Variants in GLB1L3 observed in about 807,000 individuals in gnomAD.
The protein encoded by GLB1L3 is galactosidase beta 1 like 3, also known as beta-galactosidase-1-like protein 3.
A neutral mutation model predicts 89.5 loss-of-function variants in GLB1L3; 89 were observed. The ratio of observed to expected loss-of-function variants is 0.99; its 90% CI spans 0.84 to 1.19. The LOEUF (loss-of-function observed/expected upper bound fraction) is 1.19, where lower values mean the gene tolerates loss of function less well. Among genes scored for constraint, GLB1L3 ranks in the 50% most tolerant of loss-of-function variants. The pLI is 0.00. For synonymous variants in GLB1L3, 314 were observed against 312.3 expected, an observed-to-expected ratio of 1.01 and a Z score of -0.06; for missense variants, 812 against 813.3, an observed-to-expected ratio of 1.00 and a Z score of 0.02.
Position 134,318,669 on chromosome 11 carries a change from C to G in GLB1L3, c.1818C>G (p.Asn606Lys), listed in dbSNP as rs1202071790. ...NYGFVFINGR[N>K]LGRYWNIGPQ... The stretch of plus-strand genomic sequence containing the variant: ...GATTTGTGTTCATCAATGGACGTAA[C>G]CTTGGGCGATATTGGAATATTGGGC... Residue 606 changes from asparagine (N) to lysine (K), a missense_variant, in exon 19 of 20, where the codon AAC (asparagine) becomes AAG (lysine). Coordinates refer to ENST00000431683, the MANE Select transcript of GLB1L3 (RefSeq NM_001080407.3). 6.2e-7 allele frequency: 1 copy of G among 1,612,574 alleles called. No individual in the cohort carries two copies.
chr11:134,310,036 G>A (rs1034451043), intron 11 of GLB1L3: 3 of 486,890 alleles, frequency 6.2e-6, no homozygotes, highest in Admixed American at 3.5e-5. Context: ...GAGAGGCAGG[G>A]TAGGAACGGT....
Position 134,318,661 on chromosome 11 carries a change from G to T in GLB1L3, c.1810G>T (p.Gly604Ter), listed in dbSNP as rs761545800. 1 of 1,611,594 alleles carries T rather than the reference G, an allele frequency of 6.2e-7. No individual in the cohort carries two copies. The highest frequency in any genetic ancestry group is 2.2e-5 in the East Asian group (1 of 44,862). Residue 604 changes from glycine (G) to a stop codon, truncating the protein, a stop_gained, in exon 19 of 20, where the codon GGA becomes TGA. Transcript: ENST00000431683. LOFTEE classifies it high-confidence loss of function. ...GAATTATGGATTTGTGTTCATCAAT[G>T]GACGTAACCTTGGGCGATATTGGAA... ...NWNYGFVFIN[G>*]RNLGRYWNIG...
intron 9 of GLB1L3, among the ~76,000 whole-genome samples, chr11:134,303,564 G>T (rs1942046953): frequency 6.6e-6 from 1 of 152,192 alleles, no homozygotes; most frequent in South Asian, 2.1e-4. Context: ...GTCCCCTGCA[G>T]TCTAAAGTTC....
rs949117160 is a variant in GLB1L3, at chr11:134,286,702, G to C, written c.637-2096G>C. Among the ~76,000 whole-genome samples the C allele has an allele frequency of 2.0e-5, 3 of 151,346 alleles. No homozygotes were observed. The South Asian group carries it at 6.3e-4, about 32-fold the overall frequency. Reference sequence around the variant, plus strand: ...TGAGGCAGGAGAATGACGTGAACCCGGGGGGCGGAGCTTGCAGGGAGCCAA... The same window carrying C: ...TGAGGCAGGAGAATGACGTGAACCCCGGGGGCGGAGCTTGCAGGGAGCCAA... On this transcript the variant is annotated intron_variant, in intron 6 of 19. Transcript: ENST00000431683.
At chr11:134,322,401 C>T (rs537977529), downstream of GLB1L3, among the ~76,000 whole-genome samples, 18 of 152,264 alleles carry the variant, frequency 1.2e-4, no homozygotes, top group East Asian at 5.8e-4. Flanking sequence ...AGTTGAGATA[C>T]GATTCATATA....
At chr11:134,297,239 C>G (rs1308713924) in intron 9 of GLB1L3, among the ~76,000 whole-genome samples, 4 of 151,968 alleles carry the variant, frequency 2.6e-5, no homozygotes, top group African/African-American at 9.7e-5. Context: ...TATCTTTATC[C>G]TTTTGCTTTT....
intron 17 of GLB1L3, 109 bp downstream of exon 17, chr11:134,314,137 C>A: frequency 1.2e-6 from 1 of 835,678 alleles, no homozygotes; most frequent in Non-Finnish European, 2.0e-6. Flanking sequence ...GTGATGTACT[C>A]CAGGCTGTTG....
intron 9 of GLB1L3, among the ~76,000 whole-genome samples, chr11:134,298,841 C>G (rs1348332945): frequency 6.6e-6 from 1 of 152,176 alleles, no homozygotes; most frequent in Non-Finnish European, 1.5e-5. Context: ...TAGTGAGATT[C>G]ATCCCAGGAA....
At chr11:134,311,043 T>C (rs764723656) in intron 12 of GLB1L3, 21 bp from the exon 13 acceptor site, 1 of 1,589,242 alleles carries the variant, frequency 6.3e-7, no homozygotes, top group Non-Finnish European at 8.6e-7. Context: ...CTTTTTGCCC[T>C]GTGCCCCATC....
At chr11:134,312,768 C>T (rs201463468) in intron 14 of GLB1L3, 48 bp from the exon 15 acceptor site, 13 of 1,505,554 alleles carry the variant, frequency 8.6e-6, no homozygotes, top group Admixed American at 3.6e-5. Context: ...TCTCTTCTCC[C>T]TTTCTTCGGG....
At chr11:134,292,018 C>A in intron 7 of GLB1L3, 114 bp from the exon 8 acceptor site, 1 of 688,554 alleles carries the variant, frequency 1.5e-6, no homozygotes. Flanking sequence ...ATATTTCTGA[C>A]TGTGATTGCA....
Position 134,308,203 on chromosome 11 carries a change from T to TACC in GLB1L3, c.961+1006_961+1008dup, listed in dbSNP as rs1356980088. On this transcript the variant is annotated intron_variant, in intron 10 of 19. Coordinates refer to ENST00000431683, the MANE Select transcript of GLB1L3 (RefSeq NM_001080407.3). ...CCATCACCATCATCACCATCACCAC[T>TACC]ACCACCACCACCATCACCATCACCA... Among the ~76,000 whole-genome samples, 17 of 30,684 alleles carry TACC rather than the reference T, an allele frequency of 5.5e-4. 3 individuals carry two copies. Among genetic ancestry groups the TACC allele is most frequent in the East Asian group, 3.3e-3 (3 of 912 alleles). 20.1% of individuals were successfully genotyped at this position (30,684 alleles called of 152,430 possible). A position where few individuals can be genotyped will look rare whatever the true frequency, so the allele number is the denominator to read the frequency against.
intron 9 of GLB1L3, among the ~76,000 whole-genome samples, chr11:134,301,059 A>G (rs1222464403): frequency 6.6e-6 from 1 of 151,942 alleles, no homozygotes; most frequent in African/African-American, 2.4e-5. Flanking sequence ...TTGACTTCAG[A>G]CTCTCACGCT....
In GLB1L3 at chr11:134,309,654, C is replaced by G. The variant is rs758860588; in HGVS notation, c.990C>G (p.Ile330Met). The G allele has an allele frequency of 6.2e-7, 1 of 1,608,130 alleles. No homozygotes were observed. The highest frequency in any genetic ancestry group is 8.5e-7 in the Non-Finnish European group (1 of 1,176,110). Reference sequence around the variant, plus strand: ...TTGAACATGCTGTGTCTGAATTCATCAAATATGAGATCTCCTTCAATGTAT... The same window carrying G: ...TTGAACATGCTGTGTCTGAATTCATGAAATATGAGATCTCCTTCAATGTAT... ...KEVEHAVSEF[I>M]KYEISFNVYM... Residue 330 changes from isoleucine to methionine, a missense_variant, in exon 11 of 20, where the codon ATC (isoleucine) becomes ATG (methionine). Around this residue, in one of 3 missense-constraint regions of GLB1L3, gnomAD observed 618 missense variants for 604.0 expected, o/e 1.02. Transcript: ENST00000431683.
intron 6 of GLB1L3, among the ~76,000 whole-genome samples, chr11:134,286,912 G>A (rs1378746456): frequency 1.3e-5 from 2 of 151,538 alleles, no homozygotes; most frequent in African/African-American, 2.4e-5. Context: ...TGTAATTCCA[G>A]CACTTTGGGA....
At chr11:134,297,317 A>C (rs1341626255) in intron 9 of GLB1L3, among the ~76,000 whole-genome samples, 1 of 152,150 alleles carries the variant, frequency 6.6e-6, no homozygotes, top group East Asian at 1.9e-4. Flanking sequence ...TATTGCTTTA[A>C]AAAATTCAAT....
At chr11:134,277,499 C>T in intron 2 of GLB1L3, 48 bp downstream of exon 2, 1 of 1,599,902 alleles carries the variant, frequency 6.3e-7, no homozygotes, top group Non-Finnish European at 8.5e-7. Context: ...GCGATCTCTC[C>T]TTTCTTGGAG....
intron 9 of GLB1L3, among the ~76,000 whole-genome samples, chr11:134,299,217 C>G (rs930052849): frequency 3.3e-5 from 5 of 151,778 alleles, no homozygotes; most frequent in African/African-American, 1.2e-4. Context: ...TGCATGCTGT[C>G]TTCCTTTTCC....
intron 9 of GLB1L3, among the ~76,000 whole-genome samples, chr11:134,304,354 A>G (rs1464875589): frequency 6.6e-6 from 1 of 152,232 alleles, no homozygotes; most frequent in Non-Finnish European, 1.5e-5. Flanking sequence ...CGTCCAAATA[A>G]CATAGATCAT....
Sources: allele counts gnomAD v4.1 joint callset (sites outside exome capture counted in the v4.1 genomes callset), GRCh38; gene constraint gnomAD v4.1.1; regional missense constraint gnomAD v4.1.1; transcripts MANE v1.5; gene names NCBI Gene and HGNC (gene_info 2026-07-23, HGNC 2026-07-21).